POU6F2: variants seen among roughly 807,000 people sequenced by gnomAD.
The protein encoded by POU6F2 is POU class 6 homeobox 2.
Under a neutral mutation model 71.3 loss-of-function variants are expected in POU6F2, and 31 were observed. The ratio of observed to expected loss-of-function variants is 0.43; its 90% CI spans 0.33 to 0.59. The LOEUF (loss-of-function observed/expected upper bound fraction) is 0.59, where lower values mean the gene tolerates loss of function less well. Among genes scored for constraint, POU6F2 ranks in the 20% least tolerant of loss-of-function variants. The probability of loss-of-function intolerance (pLI) is 0.04; values close to 1 mark genes in which losing one functional copy is unlikely to be tolerated. For missense variants in POU6F2, 783 were observed against 856.8 expected (o/e 0.91, Z 1.07); for synonymous variants, 347 against 355.7 (o/e 0.98, Z 0.27).
intron 2 of POU6F2, among the ~76,000 whole-genome samples, chr7:39,149,216 A>G (rs1792689658): frequency 6.6e-6 from 1 of 152,150 alleles, no homozygotes; most frequent in Non-Finnish European, 1.5e-5. Flanking sequence ...TCTCTAGACA[A>G]GATGTGGACT....
rs556951070 is a variant in POU6F2, at chr7:39,085,330, C to T, written c.106-530C>T. 2.6e-5 allele frequency among the ~76,000 whole-genome samples: 4 copies of T among 152,174 alleles called. No individual in the cohort carries two copies. The South Asian group carries it at 8.3e-4, about 32-fold the overall frequency. On this transcript the variant is annotated intron_variant, in intron 1 of 9. Transcript: ENST00000518318. Reference sequence around the variant, plus strand: ...TTCCATTGAAAGCCTTTCGAGGTCTCTTTTCTCCCTATCTTTTTTCTCTGC... The same window carrying T: ...TTCCATTGAAAGCCTTTCGAGGTCTTTTTTCTCCCTATCTTTTTTCTCTGC...
At chr7:39,444,577 C>A (rs1432421350) in intron 7 of POU6F2, among the ~76,000 whole-genome samples, 1 of 152,242 alleles carries the variant, frequency 6.6e-6, no homozygotes, top group Non-Finnish European at 1.5e-5. Flanking sequence ...GCGTGAGACA[C>A]TGTCTCAAAC....
intron 1 of POU6F2, among the ~76,000 whole-genome samples, chr7:38,994,247 G>T (rs1788680610): frequency 6.6e-6 from 1 of 152,086 alleles, no homozygotes; most frequent in Non-Finnish European, 1.5e-5. Flanking sequence ...CACTCAGTTG[G>T]TCAGGAAAGC....
chr7:39,098,288 A>G (rs1791496228), intron 2 of POU6F2, among the ~76,000 whole-genome samples: 1 of 150,528 alleles, frequency 6.6e-6, no homozygotes, highest in Non-Finnish European at 1.5e-5. Flanking sequence ...TATTTTTATT[A>G]TTTTTCTGAG....
At chr7:39,010,261 T>C (rs937961072) in intron 1 of POU6F2, among the ~76,000 whole-genome samples, 2 of 150,762 alleles carry the variant, frequency 1.3e-5, no homozygotes, top group Admixed American at 6.6e-5. Context: ...GGAGGGTGTA[T>C]GTGTTGAGGA....
chr7:39,237,011 C>T (rs1375715057), intron 4 of POU6F2, among the ~76,000 whole-genome samples: 1 of 152,132 alleles, frequency 6.6e-6, no homozygotes, highest in Non-Finnish European at 1.5e-5. Flanking sequence ...TGAAATAAAT[C>T]AGGGTATTGG....
chr7:39,114,122 A>G (rs994468496), intron 2 of POU6F2, among the ~76,000 whole-genome samples: 3 of 152,212 alleles, frequency 2.0e-5, no homozygotes, highest in Non-Finnish European at 4.4e-5. Flanking sequence ...GAATATTGAC[A>G]TGGAATTGCT....
At chr7:39,185,150 G>A (rs1584588617) in intron 2 of POU6F2, among the ~76,000 whole-genome samples, 1 of 152,118 alleles carries the variant, frequency 6.6e-6, no homozygotes, top group Non-Finnish European at 1.5e-5. Context: ...AAGTTATGAT[G>A]GCTGCAAGTA....
At chr7:39,435,463 AC>A (rs1788217935) in intron 7 of POU6F2, among the ~76,000 whole-genome samples, 1 of 151,952 alleles carries the variant, frequency 6.6e-6, no homozygotes, top group Non-Finnish European at 1.5e-5. Flanking sequence ...TCCTTCGCCC[AC>A]TTTTTCATGG....
chr7:39,427,621 G>A (rs980392), intron 6 of POU6F2, among the ~76,000 whole-genome samples: 7,306 of 152,144 alleles, frequency 0.048, 470 homozygotes, highest in African/African-American at 0.15. Context: ...AATGATGCTA[G>A]CGTTAACAAA....
chr7:39,362,651 C>G (rs1455258056), intron 5 of POU6F2, among the ~76,000 whole-genome samples: 2 of 152,062 alleles, frequency 1.3e-5, no homozygotes, highest in Non-Finnish European at 2.9e-5. Context: ...GGGCAGGAAT[C>G]AAACATGCAT....
chr7:39,452,668 GTAATCC>G (rs1788689338), intron 8 of POU6F2, among the ~76,000 whole-genome samples: 1 of 152,158 alleles, frequency 6.6e-6, no homozygotes. Flanking sequence ...TCCCCGACAA[GTAATCC>G]TCCTCAAAAA....
intron 1 of POU6F2, among the ~76,000 whole-genome samples, chr7:39,032,401 G>A (rs550475662): frequency 1.3e-5 from 2 of 152,290 alleles, no homozygotes; most frequent in South Asian, 2.1e-4. Flanking sequence ...GCATGCAGCC[G>A]CCATCCCTGA....
At chr7:39,280,506 C>G (rs975266374) in intron 4 of POU6F2, among the ~76,000 whole-genome samples, 1 of 152,234 alleles carries the variant, frequency 6.6e-6, no homozygotes, top group Non-Finnish European at 1.5e-5. Context: ...GGAACCTACT[C>G]TCCTTTCCAT....
At chr7:39,395,985 C>T (rs1273277272) in intron 5 of POU6F2, among the ~76,000 whole-genome samples, 3 of 152,102 alleles carry the variant, frequency 2.0e-5, no homozygotes, top group Non-Finnish European at 2.9e-5. Context: ...AACAAATTCA[C>T]CTAACTAATG....
At chr7:39,145,959 C>G (rs182622480) in intron 2 of POU6F2, among the ~76,000 whole-genome samples, 1 of 152,176 alleles carries the variant, frequency 6.6e-6, no homozygotes, top group Non-Finnish European at 1.5e-5. Flanking sequence ...AGAGAAAATG[C>G]ACTCATTTTT....
chr7:39,418,909 G>GTATATATGTATATATGTGTA (rs1562544081), intron 6 of POU6F2, among the ~76,000 whole-genome samples: 3 of 138,870 alleles, frequency 2.2e-5, no homozygotes, highest in Admixed American at 7.2e-5. Context: ...GTGTGTGTGT[G>GTATATATGTATATATGTGTA]TATATATATA....
chr7:39,061,701 TC>T (rs1426386782), intron 1 of POU6F2, among the ~76,000 whole-genome samples: 1 of 152,204 alleles, frequency 6.6e-6, no homozygotes, highest in Admixed American at 6.5e-5. Context: ...ATATAAGTTT[TC>T]CAAAATTCTA....
intron 4 of POU6F2, among the ~76,000 whole-genome samples, chr7:39,295,694 A>T (rs182407430): frequency 6.6e-6 from 1 of 152,356 alleles, no homozygotes; most frequent in East Asian, 1.9e-4. Context: ...GTGTGTTGTT[A>T]TATCTTGATA....
Sources: gnomAD v4.1 joint callset for allele counts (sites outside exome capture counted in the v4.1 genomes callset) on GRCh38, gnomAD v4.1.1 for gene constraint, MANE v1.5 for transcripts, NCBI Gene and HGNC (gene_info 2026-07-23, HGNC 2026-07-21) for gene names.